The following DLGAP2 variants were observed in gnomAD, a reference collection of about 807,000 sequenced individuals.
DLGAP2 encodes disks large-associated protein 2.
In DLGAP2, 26 loss-of-function variants were observed where a neutral mutation model predicts 100.3. The observed-to-expected ratio is 0.26, with a 90% CI of 0.19 to 0.36. DLGAP2 has a LOEUF of 0.36. DLGAP2 is among the 10% of genes least tolerant of loss of function. The pLI is 1.00. For synonymous variants in DLGAP2, 886 were observed against 630.1 expected (o/e 1.41, Z -6.08); for missense variants, 1,858 against 1,453.2 (o/e 1.28, Z -4.53).
chr8:1,543,200 A>G (rs1048683112), intron 4 of DLGAP2, among the ~76,000 whole-genome samples: 2 of 152,112 alleles, frequency 1.3e-5, no homozygotes, highest in African/African-American at 4.8e-5. Context: ...AAACTTTTTA[A>G]TTTTAGGTAG....
chr8:1,198,431 C>T (rs1240712567), intron 2 of DLGAP2, among the ~76,000 whole-genome samples: 3 of 151,840 alleles, frequency 2.0e-5, no homozygotes, highest in African/African-American at 4.8e-5. Context: ...GCAGAGGGAG[C>T]GCAGGTGGCA....
intron 2 of DLGAP2, among the ~76,000 whole-genome samples, chr8:976,008 CAAGG>C (rs1381938176): frequency 1.3e-5 from 2 of 152,088 alleles, no homozygotes; most frequent in African/African-American, 4.8e-5. Flanking sequence ...TTGCAAGATA[CAAGG>C]TTATTATACA....
rs376995517 is a variant in DLGAP2, at chr8:1,626,939, T to C, written c.1590+52T>C. 33 of 1,543,822 alleles carry C rather than the reference T, an allele frequency of 2.1e-5. No individual in the cohort carries two copies. In the African/African-American group the frequency reaches 4.4e-4, roughly 20 times the overall value. On this transcript the variant is annotated intron_variant, in intron 7 of 14. Transcript: ENST00000637795. The stretch of plus-strand genomic sequence containing the variant: ...TGGGGTCCAGTCTCCCCAGCCAGGC[T>C]GGCACGGAGGCCCCGGCCGCATAGG...
At chr8:963,069 G>C (rs746872645) in intron 2 of DLGAP2, among the ~76,000 whole-genome samples, 2 of 152,000 alleles carry the variant, frequency 1.3e-5, no homozygotes, top group African/African-American at 4.8e-5. Flanking sequence ...GCTTCGGTGC[G>C]GGCGCCATCC....
chr8:1,081,872 C>T (rs769568103), intron 2 of DLGAP2, among the ~76,000 whole-genome samples: 1 of 152,182 alleles, frequency 6.6e-6, no homozygotes, highest in African/African-American at 2.4e-5. Context: ...TCTCCAGCAG[C>T]GAGTGGATGC....
At chr8:1,038,994 T>C (rs1802215067) in intron 2 of DLGAP2, among the ~76,000 whole-genome samples, 1 of 152,240 alleles carries the variant, frequency 6.6e-6, no homozygotes, top group African/African-American at 2.4e-5. Flanking sequence ...TATAGCCTGT[T>C]AGAAAGATTT....
At chr8:885,721 C>T (rs763484713) in intron 1 of DLGAP2, among the ~76,000 whole-genome samples, 7 of 152,138 alleles carry the variant, frequency 4.6e-5, no homozygotes, top group Non-Finnish European at 7.3e-5. Context: ...GGAATGCTTC[C>T]AGCTTTTGCT....
At chr8:1,018,906 C>T (rs983495278) in intron 2 of DLGAP2, 3 of 152,148 alleles carry the variant, frequency 2.0e-5, no homozygotes, top group Non-Finnish European at 2.9e-5. Context: ...GTGGCTGAAA[C>T]GGCAGTTGCT....
chr8:1,275,816 TAA>T (rs1799672758), intron 3 of DLGAP2, among the ~76,000 whole-genome samples: 1 of 122,930 alleles, frequency 8.1e-6, no homozygotes, highest in Admixed American at 1.0e-4. Flanking sequence ...ATAAGATATA[TAA>T]TATATAAAAA....
At position 1,633,060 on chromosome 8, in the gene DLGAP2, A is replaced by G. The variant is rs6995760; in HGVS notation, c.1810+14A>G. 0.26 allele frequency: 417,774 copies of G among 1,613,256 alleles called. 63,630 individuals are homozygous for G. Among genetic ancestry groups the G allele is most frequent in the African/African-American group, 0.69 (51,671 of 74,882 alleles). ...GGTCAACAGCAGGTAAGGGGACGCC[A>G]TTTTCAGCCTTCCAGCGGGGACTCT... On this transcript the variant is annotated intron_variant, in intron 8 of 14. Coordinates refer to ENST00000637795, the MANE Select transcript of DLGAP2 (RefSeq NM_001346810.2).
At chr8:1,054,939 T>C (rs139212613) in intron 2 of DLGAP2, among the ~76,000 whole-genome samples, 1 of 152,248 alleles carries the variant, frequency 6.6e-6, no homozygotes, top group Non-Finnish European at 1.5e-5. Flanking sequence ...TCATAGACAG[T>C]GGCACACAAA....
chr8:1,499,196 G>C (rs528408853), intron 3 of DLGAP2, among the ~76,000 whole-genome samples: 155 of 152,248 alleles, frequency 1.0e-3, no homozygotes, highest in Non-Finnish European at 8.5e-4. Context: ...CTTGTGCTCT[G>C]TGTGAAGCAC....
intron 3 of DLGAP2, among the ~76,000 whole-genome samples, chr8:1,293,216 T>C (rs558030628): frequency 6.6e-6 from 1 of 152,302 alleles, no homozygotes; most frequent in South Asian, 2.1e-4. Context: ...TCTGTCTCCC[T>C]CTCACACACA....
chr8:748,682 G>A (rs1044306221), intron 1 of DLGAP2, among the ~76,000 whole-genome samples: 3 of 152,192 alleles, frequency 2.0e-5, no homozygotes, highest in Non-Finnish European at 2.9e-5. Flanking sequence ...GCCTCACTGA[G>A]GAGCTCGTGG....
At chr8:1,122,521 CT>C (rs1395043908) in intron 2 of DLGAP2, among the ~76,000 whole-genome samples, 2 of 152,124 alleles carry the variant, frequency 1.3e-5, no homozygotes, top group African/African-American at 2.4e-5. Flanking sequence ...TAAGAAAATC[CT>C]TTTTCTTTTA....
chr8:1,167,877 T>G (rs1027545540), intron 2 of DLGAP2, among the ~76,000 whole-genome samples: 5 of 146,982 alleles, frequency 3.4e-5, no homozygotes, highest in African/African-American at 1.2e-4. Context: ...GTACTTAACC[T>G]GAGTCCATTT....
chr8:1,412,757 G>T lies in DLGAP2; in HGVS notation c.107-88609G>T, dbSNP rs567931348. Among the ~76,000 whole-genome samples the T allele has an allele frequency of 7.2e-5, 11 of 152,290 alleles. 1 individual carries two copies. In the South Asian group the frequency reaches 2.3e-3, roughly 32 times the overall value. ...AGACCTCTACAGGCAAAAGGCAATT[G>T]CCAGCTGTGATGGCCATTCTGACTC... On this transcript the variant is annotated intron_variant, in intron 3 of 14. Coordinates refer to ENST00000637795, the MANE Select transcript of DLGAP2 (RefSeq NM_001346810.2).
intron 3 of DLGAP2, among the ~76,000 whole-genome samples, chr8:1,305,203 C>A: frequency 6.6e-6 from 1 of 152,162 alleles, no homozygotes; most frequent in East Asian, 1.9e-4. Context: ...TTAGTTTCCT[C>A]CTTTAAAAAA....
chr8:1,677,883 T>G (rs951009233), intron 11 of DLGAP2, among the ~76,000 whole-genome samples: 2 of 152,204 alleles, frequency 1.3e-5, no homozygotes, highest in African/African-American at 4.8e-5. Context: ...CTGCATAAGC[T>G]CGTAGCATAT....
Sources: allele counts gnomAD v4.1 joint callset (sites outside exome capture counted in the v4.1 genomes callset), GRCh38; gene constraint gnomAD v4.1.1; transcripts MANE v1.5; gene names NCBI Gene and HGNC (gene_info 2026-07-23, HGNC 2026-07-21).